Variants in CDC73 observed in about 807,000 individuals in gnomAD.
CDC73 encodes the protein parafibromin.
CDC73 carries 21 observed loss-of-function variants against 83.7 expected under a neutral mutation model. The ratio of observed to expected loss-of-function variants is 0.25; its 90% CI spans 0.18 to 0.36. The LOEUF (loss-of-function observed/expected upper bound fraction) is 0.36. Ranked by LOEUF, CDC73 falls within the 10% of genes least tolerant of loss-of-function variation. The pLI is 1.00. For synonymous variants in CDC73, 224 were observed against 212.9 expected, an observed-to-expected ratio of 1.05 and a Z score of -0.45; for missense variants, 342 against 653.3, an observed-to-expected ratio of 0.52 and a Z score of 5.19.
rs149394286 is a variant in CDC73, at chr1:193,183,683, C to G, written c.973-20112C>G. On this transcript the variant is annotated intron_variant, in intron 10 of 16. Transcript: ENST00000367435. ...TGGTAAATAATAATGACTCTCCGCT[C>G]CACTTCATAAGGATATCAGTAGATA... Among the ~76,000 whole-genome samples the G allele has an allele frequency of 1.7e-3, 258 of 151,498 alleles. 1 individual carries two copies. Among genetic ancestry groups the G allele is most frequent in the African/African-American group, 6.0e-3 (250 of 41,426 alleles).
At chr1:193,129,866 T>C (rs1675664073) in intron 2 of CDC73, among the ~76,000 whole-genome samples, 2 of 152,202 alleles carry the variant, frequency 1.3e-5, no homozygotes, top group Admixed American at 1.3e-4. Context: ...TTTTATTAGG[T>C]TCTTTTAGCC....
At chr1:193,138,774 A>ATTT (rs5779662) in intron 6 of CDC73, among the ~76,000 whole-genome samples, 17 of 128,964 alleles carry the variant, frequency 1.3e-4, no homozygotes, top group South Asian at 2.4e-4. Flanking sequence ...CTGAACTTTA[A>ATTT]TTTTTTTTTT....
chr1:193,157,512 A>G (rs1200107097), intron 10 of CDC73, among the ~76,000 whole-genome samples: 2 of 152,202 alleles, frequency 1.3e-5, no homozygotes, highest in East Asian at 3.8e-4. Flanking sequence ...CTGGATTTCC[A>G]GCTTCCTTAA....
At position 193,245,374 on chromosome 1, in the gene CDC73, T is replaced by G. The variant is rs189480348; in HGVS notation, c.1418-4356T>G. 2.6e-3 allele frequency among the ~76,000 whole-genome samples: 402 copies of G among 152,322 alleles called. 2 individuals are homozygous for G. The highest frequency in any genetic ancestry group is 9.5e-3 in the South Asian group (46 of 4,834). ...TCTACATATGAGAGAGAACTTGTGG[T>G]GTTTAACTTTATGTTTCTGGCTTGT... On this transcript the variant is annotated intron_variant, in intron 15 of 16. Transcript: ENST00000367435.
intron 13 of CDC73, among the ~76,000 whole-genome samples, chr1:193,231,044 A>G (rs1467405604): frequency 1.3e-5 from 2 of 152,224 alleles, no homozygotes; most frequent in African/African-American, 4.8e-5. Flanking sequence ...AAAACATATC[A>G]ACCAATGTGT....
At chr1:193,171,878 T>C (rs1676523045) in intron 10 of CDC73, among the ~76,000 whole-genome samples, 1 of 152,214 alleles carries the variant, frequency 6.6e-6, no homozygotes, top group South Asian at 2.1e-4. Flanking sequence ...TTGTTAGTGT[T>C]GGAAGAATAA....
At chr1:193,183,050 G>A (rs1306453053) in intron 10 of CDC73, among the ~76,000 whole-genome samples, 3 of 151,806 alleles carry the variant, frequency 2.0e-5, no homozygotes, top group Non-Finnish European at 4.4e-5. Context: ...TATTAAATTT[G>A]TTTAACCTTG....
chr1:193,128,858 A>G (rs1219484859), intron 2 of CDC73, among the ~76,000 whole-genome samples: 1 of 152,192 alleles, frequency 6.6e-6, no homozygotes, highest in Non-Finnish European at 1.5e-5. Context: ...TTACACATAT[A>G]AAGTGACAAA....
Position 193,252,833 on chromosome 1 carries a change from C to T in CDC73, c.*2121C>T. ...GCAGTACTTAACACAGTGCCTTGCA[C>T]ATAGTAGGCATTCAGTAAATACTTA... is the stretch of plus-strand genomic sequence containing the variant. On this transcript the variant is annotated 3_prime_UTR_variant, in exon 17 of 17. Coordinates refer to ENST00000367435, the MANE Select transcript of CDC73 (RefSeq NM_024529.5). 4.3e-6 allele frequency: 1 copy of T among 231,810 alleles called. No individual in the cohort carries two copies. Among genetic ancestry groups the T allele is most frequent in the Non-Finnish European group, 8.5e-6 (1 of 117,146 alleles). The allele number at this position is 231,810 out of a possible 1,614,324, so 14.4% of individuals were successfully genotyped here. A position where few individuals can be genotyped will look rare whatever the true frequency, so the allele number is the denominator to read the frequency against.
chr1:193,238,755 A>C (rs1187857323), intron 15 of CDC73, among the ~76,000 whole-genome samples: 1 of 152,214 alleles, frequency 6.6e-6, no homozygotes, highest in Admixed American at 6.5e-5. Flanking sequence ...AGTAGAGAAA[A>C]AGAAAACGTT....
At chr1:193,193,832 G>GTTA (rs1676959596) in intron 10 of CDC73, among the ~76,000 whole-genome samples, 1 of 138,790 alleles carries the variant, frequency 7.2e-6, no homozygotes, top group Non-Finnish European at 1.5e-5. Flanking sequence ...TGTGTGTGTT[G>GTTA]TGGGGCAGTG....
chr1:193,203,615 G>A (rs1254535344), intron 10 of CDC73, among the ~76,000 whole-genome samples, 180 bp from the exon 11 acceptor site: 2 of 152,106 alleles, frequency 1.3e-5, no homozygotes, highest in African/African-American at 4.8e-5. Context: ...AAAAGATCAG[G>A]AGAGTTTTCA....
At chr1:193,152,239 A>C (rs1676127218) in intron 9 of CDC73, 141 bp from the exon 10 acceptor site, 3 of 624,856 alleles carry the variant, frequency 4.8e-6, no homozygotes, top group Non-Finnish European at 8.6e-6. Context: ...CAAGTACGTA[A>C]TTTAATTTTA....
At chr1:193,230,708 A>C (rs1002685695) in intron 13 of CDC73, among the ~76,000 whole-genome samples, 6 of 152,096 alleles carry the variant, frequency 3.9e-5, no homozygotes, top group African/African-American at 1.4e-4. Context: ...ATAGTGGTAC[A>C]ATATAATGGT....
At chr1:193,247,843 G>T (rs1677980013) in intron 15 of CDC73, among the ~76,000 whole-genome samples, 1 of 152,078 alleles carries the variant, frequency 6.6e-6, no homozygotes, top group African/African-American at 2.4e-5. Context: ...CAGAAGAAAA[G>T]TTGGAAGGTA....
At position 193,252,140 on chromosome 1, in the gene CDC73, A is replaced by T; in HGVS notation, c.*1428A>T. 1 of 231,100 alleles carries T rather than the reference A, an allele frequency of 4.3e-6. No individual in the cohort carries two copies. The highest frequency in any genetic ancestry group is 8.6e-6 in the Non-Finnish European group (1 of 116,658). The allele number at this position is 231,100 out of a possible 1,614,324, so 14.3% of individuals were successfully genotyped here. On this transcript the variant is annotated 3_prime_UTR_variant, in exon 17 of 17. Transcript: ENST00000367435. ...ACTAGAAAAGATATTTATTCACATG[A>T]TATTTACAAGGCTCTTCAGAAGGGA...
intron 10 of CDC73, among the ~76,000 whole-genome samples, chr1:193,189,121 T>G (rs1038866066): frequency 6.6e-6 from 1 of 151,536 alleles, no homozygotes; most frequent in Non-Finnish European, 1.5e-5. Flanking sequence ...ACCCGGCTAA[T>G]TGTTGTATTT....
chr1:193,200,690 C>G (rs1026944042), intron 10 of CDC73, among the ~76,000 whole-genome samples: 1 of 152,086 alleles, frequency 6.6e-6, no homozygotes. Flanking sequence ...CAATCCAAAT[C>G]TTTAAAAATA....
At chr1:193,129,844 C>A (rs1357294162) in intron 2 of CDC73, among the ~76,000 whole-genome samples, 1 of 152,096 alleles carries the variant, frequency 6.6e-6, no homozygotes, top group African/African-American at 2.4e-5. Flanking sequence ...ATGTTTAATA[C>A]ATTTTCAGGA....
Sources: allele counts gnomAD v4.1 joint callset (sites outside exome capture counted in the v4.1 genomes callset), GRCh38; gene constraint gnomAD v4.1.1; transcripts MANE v1.5; gene names NCBI Gene and HGNC (gene_info 2026-07-23, HGNC 2026-07-21).